Variants in ST6GALNAC3 observed in about 807,000 individuals in gnomAD.
ST6GALNAC3 encodes the protein ST6 N-acetylgalactosaminide alpha-2,6-sialyltransferase 3, also known as alpha-N-acetylgalactosaminide alpha-2,6-sialyltransferase 3.
A neutral mutation model predicts 32.7 loss-of-function variants in ST6GALNAC3; 25 were observed. The observed-to-expected ratio is 0.76, with a 90% CI of 0.56 to 1.07. The LOEUF (loss-of-function observed/expected upper bound fraction) is 1.07, where lower values mean the gene tolerates loss of function less well. Among genes scored for constraint, ST6GALNAC3 ranks in the 50% least tolerant of loss-of-function variants. The probability of loss-of-function intolerance (pLI) is 0.00; values close to 1 mark genes in which losing one functional copy is unlikely to be tolerated. For missense variants in ST6GALNAC3, 355 were observed against 382.4 expected (o/e 0.93, Z 0.60); for synonymous variants, 129 against 133.1 (o/e 0.97, Z 0.21).
chr1:76,619,818 TACA>T (rs1287197732), intron 3 of ST6GALNAC3, among the ~76,000 whole-genome samples: 8 of 152,090 alleles, frequency 5.3e-5, no homozygotes, highest in African/African-American at 1.9e-4. Context: ...TACACCTCAG[TACA>T]ACATCACAGG....
intron 1 of ST6GALNAC3, among the ~76,000 whole-genome samples, chr1:76,289,197 C>A (rs1659942066): frequency 6.6e-6 from 1 of 152,182 alleles, no homozygotes; most frequent in Non-Finnish European, 1.5e-5. Flanking sequence ...GTGACAGTTT[C>A]ATGTGGGATA....
intron 3 of ST6GALNAC3, among the ~76,000 whole-genome samples, chr1:76,437,428 T>C (rs1202217544): frequency 6.6e-6 from 1 of 152,158 alleles, no homozygotes; most frequent in East Asian, 1.9e-4. Flanking sequence ...CTGATTGTTC[T>C]TATAATCAAA....
intron 2 of ST6GALNAC3, among the ~76,000 whole-genome samples, chr1:76,368,647 A>G (rs1650576498): frequency 1.3e-5 from 2 of 152,210 alleles, no homozygotes; most frequent in African/African-American, 4.8e-5. Context: ...AAGTGACTAA[A>G]TACATATTTG....
Position 76,630,925 on chromosome 1 carries a change from TAA to T in ST6GALNAC3, c.*2123_*2124del. 1 of 985,508 alleles carries T rather than the reference TAA, an allele frequency of 1.0e-6. No homozygotes were observed. Among genetic ancestry groups the T allele is most frequent in the Middle Eastern group, 5.2e-4 (1 of 1,914 alleles). 61.0% of individuals were successfully genotyped at this position (985,508 alleles called of 1,614,324 possible). A position where few individuals can be genotyped will look rare whatever the true frequency, so the allele number is the denominator to read the frequency against. On this transcript the variant is annotated 3_prime_UTR_variant, in exon 5 of 5. Transcript: ENST00000328299. The stretch of plus-strand genomic sequence containing the variant: ...TTCCCCCTGTTGTTTCACTTTAAAA[TAA>T]AAAGAAATCCTTGATTAATCAGAAT...
intron 1 of ST6GALNAC3, among the ~76,000 whole-genome samples, chr1:76,118,159 G>A (rs887114408): frequency 3.9e-5 from 6 of 152,000 alleles, no homozygotes; most frequent in East Asian, 1.9e-4. Flanking sequence ...TCCCTGACGG[G>A]CCCCGGTGTG....
At chr1:76,145,335 T>C (rs1650607821) in intron 1 of ST6GALNAC3, among the ~76,000 whole-genome samples, 1 of 152,162 alleles carries the variant, frequency 6.6e-6, no homozygotes. Context: ...CCAACCCCGC[T>C]GCCCCTCCTT....
At chr1:76,571,543 A>G (rs1357260698) in intron 3 of ST6GALNAC3, among the ~76,000 whole-genome samples, 1 of 152,106 alleles carries the variant, frequency 6.6e-6, no homozygotes, top group African/African-American at 2.4e-5. Flanking sequence ...CACCTCAATT[A>G]ACCTTTATTT....
chr1:76,632,707 A>AC lies in ST6GALNAC3; in HGVS notation c.*3901_*3902insC, dbSNP rs1649359781. The AC allele has an allele frequency of 6.6e-6, 1 of 152,094 alleles. No homozygotes were observed. The highest frequency in any genetic ancestry group is 6.6e-5 in the Admixed American group (1 of 15,264). The allele number at this position is 152,094 out of a possible 1,614,324, so 9.4% of individuals were successfully genotyped here. ...TGTTACTTAGAGAAGAGACAACACT[A>AC]AAGTACTTCACCTGGTAGTGTTAAT... On this transcript the variant is annotated 3_prime_UTR_variant, in exon 5 of 5. Transcript: ENST00000328299.
chr1:76,192,684 G>A (rs2101402), intron 1 of ST6GALNAC3, among the ~76,000 whole-genome samples: 108 of 152,310 alleles, frequency 7.1e-4, no homozygotes, highest in African/African-American at 2.5e-3. Context: ...TCACAGGTAT[G>A]TTCTTCTCGG....
At chr1:76,434,193 CAGGAATCAAAGACAG>C (rs1452953051) in intron 3 of ST6GALNAC3, among the ~76,000 whole-genome samples, 2 of 152,104 alleles carry the variant, frequency 1.3e-5, no homozygotes, top group Non-Finnish European at 2.9e-5. Flanking sequence ...TCTAAGGTGG[CAGGAATCAAAGACAG>C]AGGTAATAAA....
chr1:76,339,763 G>A (rs908059517), intron 2 of ST6GALNAC3, among the ~76,000 whole-genome samples: 4 of 152,000 alleles, frequency 2.6e-5, no homozygotes, highest in Admixed American at 1.3e-4. Flanking sequence ...CTAATCTAGT[G>A]ACAGGAGACT....
chr1:76,111,875 T>C (rs1227353228), intron 1 of ST6GALNAC3, among the ~76,000 whole-genome samples: 1 of 152,168 alleles, frequency 6.6e-6, no homozygotes, highest in Non-Finnish European at 1.5e-5. Context: ...GATTTCTCAA[T>C]CTTTTCCCCA....
In ST6GALNAC3 at chr1:76,114,095, G is replaced by A. The variant is rs530142636; in HGVS notation, c.18+39211G>A. On this transcript the variant is annotated intron_variant, in intron 1 of 4. Transcript: ENST00000328299. ...TGACTTCAGGTGATCCACCCGCCTCGGCCTCCCAACGTGCTGGGATTACAG... is the reference window on the plus strand; with the variant it reads ...TGACTTCAGGTGATCCACCCGCCTCAGCCTCCCAACGTGCTGGGATTACAG... Among the ~76,000 whole-genome samples the A allele has an allele frequency of 4.5e-3, 683 of 150,274 alleles. 9 individuals are homozygous for A. The highest frequency in any genetic ancestry group is 0.015 in the African/African-American group (613 of 40,586).
chr1:76,206,204 C>T (rs1654813752), intron 1 of ST6GALNAC3, among the ~76,000 whole-genome samples: 3 of 152,150 alleles, frequency 2.0e-5, no homozygotes, highest in Admixed American at 2.0e-4. Context: ...CAGGGAACAG[C>T]ACAGAAAATA....
chr1:76,428,763 G>C (rs1249687298), intron 3 of ST6GALNAC3, among the ~76,000 whole-genome samples: 1 of 152,074 alleles, frequency 6.6e-6, no homozygotes, highest in Non-Finnish European at 1.5e-5. Flanking sequence ...TTATGCATTA[G>C]TTTATCTTTA....
At chr1:76,588,528 G>A (rs991448767) in intron 3 of ST6GALNAC3, among the ~76,000 whole-genome samples, 9 of 152,178 alleles carry the variant, frequency 5.9e-5, no homozygotes, top group Non-Finnish European at 7.3e-5. Flanking sequence ...AAATCAGTGC[G>A]TGTGCTAATT....
Position 76,403,838 on chromosome 1 carries a change from T to A in ST6GALNAC3, c.214-8170T>A, listed in dbSNP as rs537868622. On this transcript the variant is annotated intron_variant, in intron 2 of 4. Coordinates refer to ENST00000328299, the MANE Select transcript of ST6GALNAC3 (RefSeq NM_152996.4). ...TAAGTTGGCCATAAAATTATCCAAG[T>A]TTTACTGTGACCTAATAGTAATAAT... Among the ~76,000 whole-genome samples the A allele has an allele frequency of 2.0e-5, 3 of 152,166 alleles. No individual in the cohort carries two copies. In the East Asian group the frequency reaches 5.8e-4, roughly 29 times the overall value.
intron 3 of ST6GALNAC3, among the ~76,000 whole-genome samples, chr1:76,488,384 C>T (rs1020082521): frequency 3.9e-5 from 6 of 152,128 alleles, no homozygotes; most frequent in East Asian, 1.9e-4. Context: ...GCCAACCAGG[C>T]GCTAGCACCA....
intron 2 of ST6GALNAC3, among the ~76,000 whole-genome samples, chr1:76,386,354 A>C (rs1001787540): frequency 1.3e-5 from 2 of 152,168 alleles, no homozygotes; most frequent in African/African-American, 4.8e-5. Context: ...TAGGAACCCC[A>C]CAGGGTTGTT....
Sources: gnomAD v4.1 joint callset for allele counts (sites outside exome capture counted in the v4.1 genomes callset) on GRCh38, gnomAD v4.1.1 for gene constraint, MANE v1.5 for transcripts, NCBI Gene and HGNC (gene_info 2026-07-23, HGNC 2026-07-21) for gene names.